The following ELOVL7 variants were observed in gnomAD, a reference collection of about 807,000 sequenced individuals.
ELOVL7 encodes very long chain fatty acid elongase 7.
Under a neutral mutation model 35.7 loss-of-function variants are expected in ELOVL7, and 27 were observed. The ratio of observed to expected loss-of-function variants is 0.76; its 90% CI spans 0.56 to 1.04. ELOVL7 has a LOEUF of 1.04. ELOVL7 is among the 50% of genes least tolerant of loss of function. The probability of loss-of-function intolerance (pLI) is 0.00; values close to 1 mark genes in which losing one functional copy is unlikely to be tolerated. For synonymous variants in ELOVL7, 113 were observed against 114.6 expected, an observed-to-expected ratio of 0.99 and a Z score of 0.09; for missense variants, 327 against 340.8, an observed-to-expected ratio of 0.96 and a Z score of 0.32.
At chr5:60,829,208 C>T (rs1746344711) in intron 1 of ELOVL7, among the ~76,000 whole-genome samples, 1 of 151,914 alleles carries the variant, frequency 6.6e-6, no homozygotes, top group Non-Finnish European at 1.5e-5. Flanking sequence ...TGTTCCTCAT[C>T]TAAATATTTC....
At chr5:60,833,789 C>T (rs1746625766) in intron 1 of ELOVL7, among the ~76,000 whole-genome samples, 1 of 152,166 alleles carries the variant, frequency 6.6e-6, no homozygotes, top group African/African-American at 2.4e-5. Context: ...TCTAGGGCTT[C>T]TGTGAGGACT....
chr5:60,776,922 G>T (rs561746233), intron 3 of ELOVL7, among the ~76,000 whole-genome samples: 1 of 152,224 alleles, frequency 6.6e-6, no homozygotes, highest in South Asian at 2.1e-4. Context: ...AGATTATTTT[G>T]AAATACAGTA....
intron 2 of ELOVL7, among the ~76,000 whole-genome samples, chr5:60,793,607 G>A (rs950033158): frequency 1.2e-4 from 18 of 152,164 alleles, no homozygotes; most frequent in African/African-American, 4.1e-4. Flanking sequence ...TTATCCTGCT[G>A]CTAAGGGGAT....
intron 2 of ELOVL7, among the ~76,000 whole-genome samples, chr5:60,795,341 A>G (rs996620423): frequency 6.6e-6 from 1 of 152,182 alleles, no homozygotes. Flanking sequence ...AACTCAGCTC[A>G]CACCCAACGA....
intron 2 of ELOVL7, among the ~76,000 whole-genome samples, chr5:60,792,203 T>C (rs1004849376): frequency 2.0e-5 from 3 of 151,972 alleles, no homozygotes; most frequent in African/African-American, 2.4e-5. Context: ...CTTTTTGGAG[T>C]GTGGACTCCT....
intron 1 of ELOVL7, among the ~76,000 whole-genome samples, chr5:60,838,657 T>G (rs997441412): frequency 3.3e-5 from 5 of 152,228 alleles, no homozygotes; most frequent in Admixed American, 6.5e-5. Flanking sequence ...CCAGATTGAT[T>G]AAGATTTGTC....
intron 2 of ELOVL7, among the ~76,000 whole-genome samples, chr5:60,789,714 C>G (rs1743810605): frequency 6.6e-6 from 1 of 152,174 alleles, no homozygotes; most frequent in South Asian, 2.1e-4. Flanking sequence ...ACCCACATGT[C>G]TACTAATGGA....
intron 1 of ELOVL7, among the ~76,000 whole-genome samples, chr5:60,823,441 C>T (rs778783122): frequency 5.9e-5 from 9 of 152,164 alleles, no homozygotes; most frequent in Admixed American, 2.0e-4. Flanking sequence ...CAGGAAGGCA[C>T]GGACTATAAC....
chr5:60,757,232 G>A (rs1264425284), intron 8 of ELOVL7, among the ~76,000 whole-genome samples: 8 of 152,026 alleles, frequency 5.3e-5, no homozygotes, highest in Non-Finnish European at 4.4e-5. Flanking sequence ...GTCACATAAC[G>A]TTGGAGTTAT....
chr5:60,768,616 T>C (rs1245127580), intron 4 of ELOVL7: 1 of 445,420 alleles, frequency 2.2e-6, no homozygotes, highest in South Asian at 1.6e-5. Flanking sequence ...ATCTGAAGTG[T>C]AATTCAAAGA....
rs1461896376 is a variant in ELOVL7, at chr5:60,807,899, T to G, written c.-85-8669A>C. On this transcript the variant is annotated intron_variant, in intron 1 of 8. Transcript: ENST00000508821. ...CTGTAGTCCCAGCTACTTGGGAGGC[T>G]GTGGCAGGAGCATGGTGTGAACCCG... Among the ~76,000 whole-genome samples the G allele has an allele frequency of 2.4e-4, 34 of 141,148 alleles. 1 individual carries two copies. The highest frequency in any genetic ancestry group is 4.5e-5 in the Non-Finnish European group (3 of 66,458). The allele number at this position is 141,148 out of a possible 152,430, so 92.6% of individuals were successfully genotyped here. A position where few individuals can be genotyped will look rare whatever the true frequency, so the allele number is the denominator to read the frequency against.
intron 1 of ELOVL7, among the ~76,000 whole-genome samples, chr5:60,821,302 T>C (rs1335916165): frequency 6.6e-6 from 1 of 152,148 alleles, no homozygotes; most frequent in African/African-American, 2.4e-5. Context: ...CTAACCCCAA[T>C]TCCTAGGCAG....
chr5:60,805,195 G>A (rs570660110), intron 1 of ELOVL7, among the ~76,000 whole-genome samples: 3 of 152,294 alleles, frequency 2.0e-5, no homozygotes, highest in South Asian at 2.1e-4. Flanking sequence ...AAATTCATTC[G>A]CTTATTCAAC....
intron 3 of ELOVL7, among the ~76,000 whole-genome samples, chr5:60,774,912 C>T (rs1742815193): frequency 2.0e-5 from 3 of 151,896 alleles, no homozygotes; most frequent in Admixed American, 2.0e-4. Flanking sequence ...ATTACAGGTG[C>T]CCGCCACCAT....
intron 1 of ELOVL7, among the ~76,000 whole-genome samples, chr5:60,805,459 T>C (rs1744869956): frequency 6.6e-6 from 1 of 152,154 alleles, no homozygotes; most frequent in African/African-American, 2.4e-5. Flanking sequence ...TAAATAATTT[T>C]TTTAGAGTTA....
chr5:60,812,803 C>A (rs1561461349), intron 1 of ELOVL7, among the ~76,000 whole-genome samples: 1 of 152,192 alleles, frequency 6.6e-6, no homozygotes. Flanking sequence ...ACAGCCCTGA[C>A]CTTGGCTTCC....
chr5:60,819,591 G>A (rs1282956599), intron 1 of ELOVL7, among the ~76,000 whole-genome samples: 2 of 152,164 alleles, frequency 1.3e-5, no homozygotes, highest in African/African-American at 4.8e-5. Context: ...AGACCAGCCT[G>A]GCCAACATGG....
intron 1 of ELOVL7, among the ~76,000 whole-genome samples, chr5:60,839,925 T>A (rs1747062325): frequency 6.6e-6 from 1 of 151,758 alleles, no homozygotes; most frequent in Non-Finnish European, 1.5e-5. Flanking sequence ...TGCTTGAGTC[T>A]GGGGATTGAG....
intron 1 of ELOVL7, among the ~76,000 whole-genome samples, chr5:60,829,053 G>A (rs886467568): frequency 2.0e-5 from 3 of 151,950 alleles, no homozygotes; most frequent in Admixed American, 6.6e-5. Flanking sequence ...GAGTATATCA[G>A]TTCATTACAT....
Sources: allele counts gnomAD v4.1 joint callset (sites outside exome capture counted in the v4.1 genomes callset), GRCh38; gene constraint gnomAD v4.1.1; transcripts MANE v1.5; gene names NCBI Gene and HGNC (gene_info 2026-07-23, HGNC 2026-07-21).